Variants in FARS2 observed in about 807,000 individuals in gnomAD.
FARS2 encodes the protein phenylalanyl-tRNA synthetase 2, mitochondrial.
Under a neutral mutation model 46.4 loss-of-function variants are expected in FARS2, and 40 were observed. The ratio of observed to expected loss-of-function variants is 0.86; its 90% CI spans 0.67 to 1.12. The LOEUF is 1.12. Ranked by LOEUF, FARS2 falls within the 50% of genes most tolerant of loss-of-function variation. FARS2 has a pLI of 0.00. For synonymous variants in FARS2, 234 were observed against 214.9 expected, an observed-to-expected ratio of 1.09 and a Z score of -0.78; for missense variants, 513 against 567.9, an observed-to-expected ratio of 0.90 and a Z score of 0.98.
intron 2 of FARS2, among the ~76,000 whole-genome samples, chr6:5,401,062 T>C (rs1761226581): frequency 6.6e-6 from 1 of 152,086 alleles, no homozygotes; most frequent in South Asian, 2.1e-4. Context: ...TTTAGGTGTA[T>C]CTTTTGTATA....
chr6:5,578,856 C>T (rs189426645), intron 5 of FARS2, among the ~76,000 whole-genome samples: 132 of 150,588 alleles, frequency 8.8e-4, no homozygotes, highest in African/African-American at 3.2e-3. Flanking sequence ...AAAACAGTGG[C>T]AAGACGTGAG....
At chr6:5,571,392 G>A (rs1456424265) in intron 5 of FARS2, among the ~76,000 whole-genome samples, 1 of 152,090 alleles carries the variant, frequency 6.6e-6, no homozygotes, top group Non-Finnish European at 1.5e-5. Flanking sequence ...CTAATTTAGT[G>A]GAAAAGATTA....
At chr6:5,373,195 A>C (rs1759165600) in intron 2 of FARS2, among the ~76,000 whole-genome samples, 1 of 152,128 alleles carries the variant, frequency 6.6e-6, no homozygotes, top group South Asian at 2.1e-4. Context: ...ACAAACTTCC[A>C]CAATCAAATT....
chr6:5,253,427 G>GTTT, the FARS2 span, among the ~76,000 whole-genome samples: 2 of 145,642 alleles, frequency 1.4e-5, no homozygotes, highest in African/African-American at 5.0e-5. Context: ...GCAATTCTCA[G>GTTT]TTTTTTTTTT....
At chr6:5,664,765 A>G (rs1778024306) in intron 6 of FARS2, among the ~76,000 whole-genome samples, 1 of 152,182 alleles carries the variant, frequency 6.6e-6, no homozygotes, top group Non-Finnish European at 1.5e-5. Context: ...GTAGGCATAT[A>G]ACTGTGATCT....
rs527521558 is a variant in FARS2, at chr6:5,771,112, C to T, written c.1218-179C>T. Reference sequence around the variant, plus strand: ...GCCTCCTTTAGTCAAGCGAATGTTTCCCTGACTGTCACCTTCTCCCCCTGT... The same window carrying T: ...GCCTCCTTTAGTCAAGCGAATGTTTTCCTGACTGTCACCTTCTCCCCCTGT... On this transcript the variant is annotated intron_variant, in intron 6 of 6. Coordinates refer to ENST00000274680, the MANE Select transcript of FARS2 (RefSeq NM_006567.5). Among the ~76,000 whole-genome samples the T allele has an allele frequency of 1.8e-4, 27 of 152,336 alleles. 1 individual carries two copies. In the South Asian group the frequency reaches 5.2e-3, roughly 29 times the overall value.
At chr6:5,586,750 AT>A (rs996617156) in intron 5 of FARS2, among the ~76,000 whole-genome samples, 6 of 151,890 alleles carry the variant, frequency 4.0e-5, no homozygotes, top group Admixed American at 3.9e-4. Context: ...TCCTCTTTAA[AT>A]TTTTGGGATA....
intron 4 of FARS2, among the ~76,000 whole-genome samples, chr6:5,449,101 C>T (rs1455956564): frequency 1.3e-5 from 2 of 152,146 alleles, no homozygotes; most frequent in Non-Finnish European, 2.9e-5. Context: ...GTAATCCTAG[C>T]ATTTTGGGAG....
chr6:5,627,383 A>C (rs1466945533), intron 6 of FARS2, among the ~76,000 whole-genome samples: 1 of 152,380 alleles, frequency 6.6e-6, no homozygotes, highest in African/African-American at 2.4e-5. Context: ...ACTAGTAGTG[A>C]AAATTAAGCA....
At chr6:5,460,731 C>T (rs530169684) in intron 4 of FARS2, among the ~76,000 whole-genome samples, 8 of 152,286 alleles carry the variant, frequency 5.3e-5, no homozygotes, top group Non-Finnish European at 1.0e-4. Flanking sequence ...ATCCAGTAGC[C>T]CTCTACATGC....
In FARS2 at chr6:5,765,414, C is replaced by T. The variant is rs1258710631; in HGVS notation, c.1218-5877C>T. Among the ~76,000 whole-genome samples, 1 of 152,162 alleles carries T rather than the reference C, an allele frequency of 6.6e-6. No homozygotes were observed. The highest frequency in any genetic ancestry group is 1.5e-5 in the Non-Finnish European group (1 of 68,028). On this transcript the variant is annotated intron_variant, in intron 6 of 6. Transcript: ENST00000274680. The surrounding 1 kb of genome is among the most constrained non-coding windows in gnomAD (Gnocchi z 4.0). ...CAGTGGGAGAGTGGAAGAGGTGGGC[C>T]CTGGGCACAGCATGTACTATGGCAT...
intron 6 of FARS2, among the ~76,000 whole-genome samples, chr6:5,707,172 T>C (rs753288385): frequency 3.9e-5 from 6 of 152,176 alleles, no homozygotes; most frequent in Non-Finnish European, 5.9e-5. Flanking sequence ...CTGTGCAGTT[T>C]CCTGTTGATC....
intron 5 of FARS2, among the ~76,000 whole-genome samples, chr6:5,555,630 A>G (rs1771612837): frequency 6.6e-6 from 1 of 152,304 alleles, no homozygotes; most frequent in East Asian, 1.9e-4. Flanking sequence ...TCCCAAATAA[A>G]TCCAGCTGTG....
intron 6 of FARS2, among the ~76,000 whole-genome samples, chr6:5,687,694 T>G (rs142232526): frequency 0.015 from 2,282 of 152,294 alleles, 64 homozygotes; most frequent in African/African-American, 0.052. Context: ...TCTTTTTTGG[T>G]TCCATATGAA....
intron 4 of FARS2, chr6:5,466,960 T>G (rs1248198469): frequency 1.0e-6 from 1 of 985,396 alleles, no homozygotes; most frequent in East Asian, 1.1e-4. Context: ...TGTGCAGGAA[T>G]GATAAGAGGC....
At chr6:5,487,222 T>G (rs1482112227) in intron 4 of FARS2, among the ~76,000 whole-genome samples, 2 of 152,264 alleles carry the variant, frequency 1.3e-5, no homozygotes, top group Non-Finnish European at 2.9e-5. Flanking sequence ...ACACAGCCTC[T>G]GGTGCACCTA....
intron 1 of FARS2, among the ~76,000 whole-genome samples, chr6:5,308,336 G>C (rs1056746589): frequency 1.2e-4 from 18 of 152,214 alleles, no homozygotes; most frequent in African/African-American, 4.1e-4. Context: ...TGAGTTGCAG[G>C]CATGTGATTC....
intron 4 of FARS2, among the ~76,000 whole-genome samples, chr6:5,533,792 C>T (rs1313701291): frequency 2.0e-5 from 3 of 152,114 alleles, no homozygotes; most frequent in South Asian, 2.1e-4. Flanking sequence ...GATGGAAGAC[C>T]GTTACCCCGG....
intron 6 of FARS2, among the ~76,000 whole-genome samples, chr6:5,718,941 A>G (rs563910009): frequency 1.3e-5 from 2 of 152,270 alleles, no homozygotes; most frequent in Admixed American, 6.5e-5. Flanking sequence ...CTTCCTGTGG[A>G]AGATGGCGGG....
Sources: allele counts gnomAD v4.1 joint callset (sites outside exome capture counted in the v4.1 genomes callset), GRCh38; gene constraint gnomAD v4.1.1; non-coding constraint Gnocchi (gnomAD v3.1); transcripts MANE v1.5; gene names NCBI Gene and HGNC (gene_info 2026-07-23, HGNC 2026-07-21).